PDE4D: variants seen among roughly 807,000 people sequenced by gnomAD.
PDE4D encodes phosphodiesterase 4D.
Under a neutral mutation model 87.4 loss-of-function variants are expected in PDE4D, and 24 were observed. The observed-to-expected ratio is 0.27, with a 90% CI of 0.20 to 0.39. The LOEUF (loss-of-function observed/expected upper bound fraction) is 0.39. Among genes scored for constraint, PDE4D ranks in the 10% least tolerant of loss-of-function variants. PDE4D has a pLI of 1.00. For missense variants in PDE4D, 714 were observed against 1,041.0 expected, an observed-to-expected ratio of 0.69 and a Z score of 4.32; for synonymous variants, 384 against 383.2, an observed-to-expected ratio of 1.00 and a Z score of -0.02.
intron 1 of PDE4D, among the ~76,000 whole-genome samples, chr5:59,414,255 G>A (rs1251014271): frequency 1.4e-4 from 21 of 152,242 alleles, no homozygotes; most frequent in Non-Finnish European, 1.5e-5. Context: ...GAACCTCAGA[G>A]AGGGTAGGCA....
intron 2 of PDE4D, among the ~76,000 whole-genome samples, chr5:60,181,354 G>A (rs891506238): frequency 3.9e-5 from 6 of 152,096 alleles, no homozygotes; most frequent in Non-Finnish European, 5.9e-5. Context: ...GAGCCTACTG[G>A]GAAAAATTTC....
chr5:60,253,345 T>C (rs1748688617), intron 1 of PDE4D, among the ~76,000 whole-genome samples: 1 of 151,538 alleles, frequency 6.6e-6, no homozygotes, highest in South Asian at 2.1e-4. Flanking sequence ...ATGCTAGAAG[T>C]TGTTGTTGTC....
intron 1 of PDE4D, among the ~76,000 whole-genome samples, chr5:59,683,018 T>C (rs1305609372): frequency 1.3e-5 from 2 of 152,240 alleles, no homozygotes; most frequent in African/African-American, 2.4e-5. Flanking sequence ...TTGGGACAAT[T>C]ATTGAAATTT....
chr5:59,034,027 T>C (rs979706038), intron 6 of PDE4D, among the ~76,000 whole-genome samples: 1 of 152,162 alleles, frequency 6.6e-6, no homozygotes, highest in Non-Finnish European at 1.5e-5. Flanking sequence ...GGCTCTACTT[T>C]TCAGTGAAAG....
chr5:59,193,467 G>T, intron 3 of PDE4D, 33 bp downstream of exon 3: 1 of 1,600,708 alleles, frequency 6.2e-7, no homozygotes, highest in Non-Finnish European at 8.6e-7. Context: ...TTACATCTGT[G>T]AGAAACCTGC....
At chr5:60,051,129 C>A (rs1039732076) in intron 2 of PDE4D, among the ~76,000 whole-genome samples, 1 of 152,100 alleles carries the variant, frequency 6.6e-6, no homozygotes, top group Non-Finnish European at 1.5e-5. Flanking sequence ...TTAGACACAT[C>A]ATTGAGACAG....
At chr5:59,955,770 AC>A (rs1758762357) in intron 3 of PDE4D, among the ~76,000 whole-genome samples, 1 of 151,568 alleles carries the variant, frequency 6.6e-6, no homozygotes, top group Non-Finnish European at 1.5e-5. Flanking sequence ...TTGCTTTACA[AC>A]CCTCCCTCCC....
At chr5:60,109,294 AT>A (rs1777411110) in intron 2 of PDE4D, among the ~76,000 whole-genome samples, 1 of 152,240 alleles carries the variant, frequency 6.6e-6, no homozygotes, top group African/African-American at 2.4e-5. Flanking sequence ...AGGAATGCAA[AT>A]CAAAACCACA....
At chr5:59,312,421 AG>A (rs1295805049) in intron 1 of PDE4D, among the ~76,000 whole-genome samples, 1 of 152,184 alleles carries the variant, frequency 6.6e-6, no homozygotes, top group Non-Finnish European at 1.5e-5. Flanking sequence ...GACCCCAATC[AG>A]GACTACAATG....
intron 1 of PDE4D, among the ~76,000 whole-genome samples, chr5:59,264,707 C>G (rs1391872812): frequency 6.6e-6 from 1 of 151,922 alleles, no homozygotes; most frequent in Non-Finnish European, 1.5e-5. Context: ...CAAAATAATG[C>G]TTTTACAGTT....
intron 6 of PDE4D, among the ~76,000 whole-genome samples, chr5:59,010,123 T>C (rs1322698556): frequency 6.6e-6 from 1 of 152,118 alleles, no homozygotes; most frequent in East Asian, 1.9e-4. Flanking sequence ...CTCAGGAGTT[T>C]GAGATCAGCC....
intron 1 of PDE4D, among the ~76,000 whole-genome samples, chr5:59,379,552 CTGCTTTGCATTCA>C: frequency 6.6e-6 from 1 of 151,958 alleles, no homozygotes; most frequent in African/African-American, 2.4e-5. Context: ...TTTTTGGATT[CTGCTTTGCATTCA>C]TGGTTTACTA....
At chr5:59,534,720 T>C (rs1814839258) in intron 1 of PDE4D, among the ~76,000 whole-genome samples, 1 of 152,172 alleles carries the variant, frequency 6.6e-6, no homozygotes, top group African/African-American at 2.4e-5. Flanking sequence ...CAATGAGATT[T>C]CAGGTTGTGG....
At chr5:59,051,399 A>G (rs1319563357) in intron 5 of PDE4D, among the ~76,000 whole-genome samples, 1 of 152,176 alleles carries the variant, frequency 6.6e-6, no homozygotes, top group African/African-American at 2.4e-5. Flanking sequence ...CTTTTACAAG[A>G]CCACACCAAA....
At chr5:60,455,317 A>G (rs1746388507) in intron 1 of PDE4D, among the ~76,000 whole-genome samples, 1 of 152,196 alleles carries the variant, frequency 6.6e-6, no homozygotes, top group Admixed American at 6.5e-5. Flanking sequence ...TATGTTATCA[A>G]TAAAAATTAG....
chr5:59,703,457 AGATAATACATATGTATT>A (rs1752908712), intron 1 of PDE4D: 1 of 448,240 alleles, frequency 2.2e-6, no homozygotes, highest in African/African-American at 2.1e-5. Flanking sequence ...CCAAAAGAAC[AGATAATACATATGTATT>A]GATACAGCAT....
chr5:59,208,491 A>C (rs1319000824), intron 2 of PDE4D, among the ~76,000 whole-genome samples: 1 of 152,232 alleles, frequency 6.6e-6, no homozygotes, highest in Non-Finnish European at 1.5e-5. Context: ...AGGTTAGAGC[A>C]CTGGCAATGA....
At chr5:59,798,530 T>A (rs75979421) in intron 1 of PDE4D, among the ~76,000 whole-genome samples, 3,783 of 152,192 alleles carry the variant, frequency 0.025, 71 homozygotes, top group South Asian at 0.05. Context: ...AAGAAAAATC[T>A]GGAGTTCCTA....
chr5:59,821,979 G>T (rs1581260285), intron 1 of PDE4D, among the ~76,000 whole-genome samples: 1 of 152,024 alleles, frequency 6.6e-6, no homozygotes, highest in Admixed American at 6.6e-5. Flanking sequence ...TTTTGGTTTG[G>T]ATTTGCCCTA....
Sources: allele counts gnomAD v4.1 joint callset (sites outside exome capture counted in the v4.1 genomes callset), GRCh38; gene constraint gnomAD v4.1.1; transcripts MANE v1.5; gene names NCBI Gene and HGNC (gene_info 2026-07-23, HGNC 2026-07-21).